NEIL3: variants seen among roughly 807,000 people sequenced by gnomAD.
NEIL3 encodes endonuclease 8-like 3.
Under a neutral mutation model 57.5 loss-of-function variants are expected in NEIL3, and 48 were observed. The observed-to-expected ratio is 0.83, with a 90% CI of 0.66 to 1.06. The LOEUF (loss-of-function observed/expected upper bound fraction) is 1.06. Ranked by LOEUF, NEIL3 falls within the 50% of genes least tolerant of loss-of-function variation. The pLI is 0.00. For synonymous variants in NEIL3, 261 were observed against 253.2 expected (o/e 1.03, Z -0.29); for missense variants, 717 against 739.1 (o/e 0.97, Z 0.35).
intron 2 of NEIL3, among the ~76,000 whole-genome samples, chr4:177,327,545 G>C (rs989270921): frequency 1.3e-5 from 2 of 151,994 alleles, no homozygotes; most frequent in African/African-American, 4.8e-5. Context: ...TTTAAGCCTC[G>C]CATGCATTAA....
chr4:177,357,562 G>A (rs181801967), intron 8 of NEIL3, among the ~76,000 whole-genome samples: 137 of 152,250 alleles, frequency 9.0e-4, no homozygotes, highest in African/African-American at 3.1e-3. Flanking sequence ...CTTCCTTCTT[G>A]ATGATAGTTT....
At chr4:177,354,706 T>C (rs1735437917) in intron 8 of NEIL3, among the ~76,000 whole-genome samples, 3 of 152,174 alleles carry the variant, frequency 2.0e-5, no homozygotes, top group Non-Finnish European at 4.4e-5. Context: ...GGTCTCGAAC[T>C]CCTGACCTCA....
In NEIL3 at chr4:177,353,446, C is replaced by T. The variant is rs1735403921; in HGVS notation, c.1178C>T (p.Thr393Ile). The T allele has an allele frequency of 1.2e-6, 2 of 1,613,930 alleles. No homozygotes were observed. The highest frequency in any genetic ancestry group is 8.5e-7 in the Non-Finnish European group (1 of 1,179,994). The part of the protein sequence containing the change: ...TAFGTTTLVL[T>I]DFSNKSSTLE... ...TTTGGAACTACAACTCTTGTCTTGA[C>T]TGATTTTAGCAATAAATCCAGTACT... is the stretch of plus-strand genomic sequence containing the variant. Residue 393 changes from threonine (T) to isoleucine (I), a missense_variant, in exon 8 of 10, where the codon ACT (threonine) becomes ATT (isoleucine). Transcript: ENST00000264596.
At chr4:177,354,005 A>G (rs369110811) in intron 8 of NEIL3, 2 of 312,740 alleles carry the variant, frequency 6.4e-6, no homozygotes, top group Non-Finnish European at 1.2e-5. Context: ...ATCTCAAGTT[A>G]TCTGCCCACC....
intron 6 of NEIL3, 123 bp from the exon 7 acceptor site, chr4:177,351,246 AGATACAGTACT>A: frequency 2.5e-6 from 1 of 405,098 alleles, no homozygotes. Flanking sequence ...AAAGACTCTA[AGATACAGTACT>A]AACTTCCAAG....
At chr4:177,352,930 G>A (rs1033614543) in intron 7 of NEIL3, among the ~76,000 whole-genome samples, 1 of 152,024 alleles carries the variant, frequency 6.6e-6, no homozygotes, top group East Asian at 1.9e-4. Flanking sequence ...CTAGAAACAG[G>A]TCTCTAACTG....
chr4:177,352,378 C>T (rs1425834343), intron 7 of NEIL3, among the ~76,000 whole-genome samples: 2 of 152,206 alleles, frequency 1.3e-5, no homozygotes, highest in African/African-American at 4.8e-5. Flanking sequence ...TAGGTTGCCA[C>T]ATTGATTTCA....
intron 1 of NEIL3, among the ~76,000 whole-genome samples, chr4:177,310,959 G>A (rs1347234702): frequency 1.3e-5 from 2 of 152,164 alleles, no homozygotes; most frequent in Non-Finnish European, 2.9e-5. Context: ...GAGGTTCTAA[G>A]TCTAAGAAAA....
rs778280413 is a variant in NEIL3, at chr4:177,351,402, A to G, written c.892A>G (p.Ile298Val). The G allele has an allele frequency of 4.3e-6, 7 of 1,611,778 alleles. No individual in the cohort carries two copies. The East Asian group carries it at 8.9e-5, about 21-fold the overall frequency. ...DICKLPTRNT[I>V]ISWTSSRVDH... ...TAGCAAGCTACCGACTAGAAATACT[A>G]TAATCAGTTGGACATCTAGCAGGGT... The change falls in exon 7 of 10, where the codon ATA (isoleucine) becomes GTA (valine). Residue 298 changes from isoleucine to valine, a missense_variant. By Grantham distance (29) the Ile-to-Val change is conservative. Transcript: ENST00000264596.
intron 2 of NEIL3, among the ~76,000 whole-genome samples, chr4:177,333,455 G>A (rs34503770): frequency 6.9e-4 from 105 of 152,176 alleles, no homozygotes; most frequent in African/African-American, 2.4e-3. Flanking sequence ...AACTCAAGCA[G>A]GTTCAATAAT....
Position 177,362,452 on chromosome 4 carries a change from A to T in NEIL3, c.1799A>T (p.Lys600Ile). The T allele has an allele frequency of 6.2e-7, 1 of 1,612,242 alleles. No homozygotes were observed. Among genetic ancestry groups the T allele is most frequent in the East Asian group, 2.2e-5 (1 of 44,838 alleles). The change falls in exon 10 of 10, where the codon AAA becomes ATA. Residue 600 changes from lysine to isoleucine, a missense_variant. Coordinates refer to ENST00000264596, the MANE Select transcript of NEIL3 (RefSeq NM_018248.3). ...FQWAENGPGI[K>I]IIPGC Reference sequence around the variant, plus strand: ...TGGGCAGAAAATGGGCCAGGAATAAAAATTATTCCTGGATGCTAATATCTG... The same window carrying T: ...TGGGCAGAAAATGGGCCAGGAATAATAATTATTCCTGGATGCTAATATCTG...
intron 2 of NEIL3, among the ~76,000 whole-genome samples, chr4:177,332,840 T>C (rs770044925): frequency 6.6e-5 from 10 of 152,204 alleles, no homozygotes; most frequent in Non-Finnish European, 1.0e-4. Flanking sequence ...ATTCTGACTT[T>C]ACTTTCCATG....
In NEIL3 at chr4:177,310,056, C is replaced by G; in HGVS notation, c.103C>G (p.Leu35Val). ...CGTGCGGGGAAGCGCTCTGCGGAGTCTGCAGGGCCGCGCCTTGCGGCTCGC... is the reference window on the plus strand; with the variant it reads ...CGTGCGGGGAAGCGCTCTGCGGAGTGTGCAGGGCCGCGCCTTGCGGCTCGC... ...TGVRGSALRS[L>V]QGRALRLAAS... The change falls in exon 1 of 10, where the codon CTG becomes GTG. Residue 35 changes from leucine (L) to valine (V), a missense_variant. Physicochemically the swap from Leu to Val is conservative, Grantham distance 32 (BLOSUM62 1). Coordinates refer to ENST00000264596, the MANE Select transcript of NEIL3 (RefSeq NM_018248.3). The G allele has an allele frequency of 1.2e-6, 2 of 1,604,532 alleles. No individual in the cohort carries two copies. The highest frequency in any genetic ancestry group is 1.7e-6 in the Non-Finnish European group (2 of 1,176,252).
intron 2 of NEIL3, among the ~76,000 whole-genome samples, chr4:177,334,824 T>C (rs1379912714): frequency 6.6e-6 from 1 of 152,238 alleles, no homozygotes; most frequent in Non-Finnish European, 1.5e-5. Context: ...AACAAAGCTA[T>C]GAGGAGAAGG....
chr4:177,354,774 G>T (rs1400244678), intron 8 of NEIL3, among the ~76,000 whole-genome samples: 2 of 152,124 alleles, frequency 1.3e-5, no homozygotes, highest in East Asian at 3.9e-4. Flanking sequence ...GAGCCACTAC[G>T]CCTGGCGTTG....
chr4:177,353,421 T>C lies in NEIL3; in HGVS notation c.1153T>C (p.Phe385Leu). 6.2e-7 allele frequency: 1 copy of C among 1,613,884 alleles called. No individual in the cohort carries two copies. Among genetic ancestry groups the C allele is most frequent in the Non-Finnish European group, 8.5e-7 (1 of 1,179,924 alleles). The change falls in exon 8 of 10, where the codon TTT (phenylalanine) becomes CTT (leucine). Residue 385 changes from phenylalanine (F) to leucine (L), a missense_variant. Transcript: ENST00000264596. ...TEVKINRKTAFGTTTLVLTDF... is the reference protein window; with the variant it reads ...TEVKINRKTALGTTTLVLTDF... ...AGTCAAGATCAACAGAAAAACTGCA[T>C]TTGGAACTACAACTCTTGTCTTGAC...
chr4:177,339,766 G>GT lies in NEIL3; in HGVS notation c.628-11dup, dbSNP rs746343973. 101 of 1,590,562 alleles carry GT rather than the reference G, an allele frequency of 6.3e-5. No individual in the cohort carries two copies. Among genetic ancestry groups the GT allele is most frequent in the Non-Finnish European group, 8.2e-5 (95 of 1,159,440 alleles). On this transcript the variant is annotated splice_polypyrimidine_tract_variant and intron_variant, in intron 4 of 9. Coordinates refer to ENST00000264596, the MANE Select transcript of NEIL3 (RefSeq NM_018248.3). ...GCAAGTCATGAAACTAGGCTCTGCT[G>GT]TTTTTTCCACTTCAAGGTTTGTCAA...
chr4:177,329,085 A>G (rs971853184), intron 2 of NEIL3, among the ~76,000 whole-genome samples: 2 of 152,122 alleles, frequency 1.3e-5, no homozygotes, highest in Non-Finnish European at 2.9e-5. Flanking sequence ...TATAAAACCT[A>G]GAGCAACTAC....
chr4:177,367,977 A>G, the NEIL3 span, among the ~76,000 whole-genome samples: 1 of 152,172 alleles, frequency 6.6e-6, no homozygotes, highest in Admixed American at 6.5e-5. Flanking sequence ...CTGTAGGTTA[A>G]GTAGGAAGTG....
Sources: allele counts gnomAD v4.1 joint callset (sites outside exome capture counted in the v4.1 genomes callset), GRCh38; gene constraint gnomAD v4.1.1; transcripts MANE v1.5; gene names NCBI Gene and HGNC (gene_info 2026-07-23, HGNC 2026-07-21).